The following MTUS1 variants were observed in gnomAD, a reference collection of about 807,000 sequenced individuals.
MTUS1 encodes microtubule-associated tumor suppressor 1.
A neutral mutation model predicts 120.8 loss-of-function variants in MTUS1; 109 were observed. The ratio of observed to expected loss-of-function variants is 0.90; its 90% CI spans 0.77 to 1.06. MTUS1 has a LOEUF of 1.06. Ranked by LOEUF, MTUS1 falls within the 50% of genes least tolerant of loss-of-function variation. The pLI is 0.00. For missense variants in MTUS1, 2,210 were observed against 1,486.3 expected (o/e 1.49, Z -8.01); for synonymous variants, 737 against 550.5 (o/e 1.34, Z -4.74).
intron 2 of MTUS1, among the ~76,000 whole-genome samples, chr8:17,746,470 T>G (rs148155751): frequency 2.6e-5 from 4 of 152,148 alleles, no homozygotes; most frequent in African/African-American, 9.7e-5. Flanking sequence ...TTCACAATCA[T>G]GGCAGAAGGT....
At chr8:17,653,055 G>C (rs886256767) in intron 12 of MTUS1, 131 bp downstream of exon 12, 1 of 606,968 alleles carries the variant, frequency 1.6e-6, no homozygotes, top group Non-Finnish European at 2.9e-6. Flanking sequence ...ACACACCTTA[G>C]AAAGCACATT....
At chr8:17,769,457 C>T (rs1243052739) in intron 1 of MTUS1, among the ~76,000 whole-genome samples, 1 of 150,904 alleles carries the variant, frequency 6.6e-6, no homozygotes, top group African/African-American at 2.5e-5. Flanking sequence ...ACGCCATTCT[C>T]CTGCCTCAGC....
intron 1 of MTUS1, among the ~76,000 whole-genome samples, chr8:17,769,548 C>G (rs375398172): frequency 6.6e-6 from 1 of 151,342 alleles, no homozygotes; most frequent in Admixed American, 6.6e-5. Context: ...GGGATTTCAC[C>G]GCGTTAGCCA....
chr8:17,799,233 G>C (rs894340917), intron 1 of MTUS1, among the ~76,000 whole-genome samples: 1 of 151,416 alleles, frequency 6.6e-6, no homozygotes, highest in Non-Finnish European at 1.5e-5. Flanking sequence ...CGTATTTGTT[G>C]CAAAAGTATA....
chr8:17,652,402 G>A (rs1288786104), intron 12 of MTUS1, among the ~76,000 whole-genome samples: 1 of 152,076 alleles, frequency 6.6e-6, no homozygotes, highest in African/African-American at 2.4e-5. Context: ...AGGACCACAT[G>A]TTCTACAATC....
chr8:17,741,682 T>C (rs1193955721), intron 3 of MTUS1, among the ~76,000 whole-genome samples: 1 of 152,236 alleles, frequency 6.6e-6, no homozygotes, highest in Non-Finnish European at 1.5e-5. Flanking sequence ...TCTTTTTCAA[T>C]GTATCCTGGG....
intron 6 of MTUS1, among the ~76,000 whole-genome samples, chr8:17,702,622 T>C (rs755618657): frequency 2.6e-5 from 4 of 152,232 alleles, no homozygotes; most frequent in Non-Finnish European, 5.9e-5. Context: ...AGTGGAATCA[T>C]ACAGTATTTG....
intron 1 of MTUS1, among the ~76,000 whole-genome samples, chr8:17,783,033 G>A (rs773745769): frequency 6.6e-6 from 1 of 152,162 alleles, no homozygotes; most frequent in African/African-American, 2.4e-5. Flanking sequence ...AGCCAAGATC[G>A]TGCCATTGCA....
intron 1 of MTUS1, among the ~76,000 whole-genome samples, chr8:17,791,806 G>T (rs1366786878): frequency 3.3e-5 from 5 of 152,148 alleles, no homozygotes; most frequent in African/African-American, 1.2e-4. Context: ...AGGCTAAGCA[G>T]CAGAAATTAA....
At chr8:17,796,052 G>A (rs138351086) in intron 1 of MTUS1, among the ~76,000 whole-genome samples, 1 of 151,540 alleles carries the variant, frequency 6.6e-6, no homozygotes, top group South Asian at 2.1e-4. Context: ...TGGATTCAAG[G>A]AATTCTCCTG....
At chr8:17,782,336 C>G (rs2050935049) in intron 1 of MTUS1, among the ~76,000 whole-genome samples, 1 of 152,208 alleles carries the variant, frequency 6.6e-6, no homozygotes, top group African/African-American at 2.4e-5. Context: ...TATTTATAGA[C>G]ATAACCATAT....
intron 7 of MTUS1, among the ~76,000 whole-genome samples, chr8:17,681,290 T>C (rs999942079): frequency 1.4e-4 from 21 of 152,126 alleles, no homozygotes; most frequent in African/African-American, 4.8e-4. Flanking sequence ...TAAATGCAAG[T>C]GGTGATGTGA....
intron 13 of MTUS1, among the ~76,000 whole-genome samples, chr8:17,647,666 C>T (rs940906613): frequency 6.6e-6 from 1 of 152,180 alleles, no homozygotes; most frequent in Admixed American, 6.5e-5. Context: ...CTCAGGTCAG[C>T]TGAAGATAGA....
intron 1 of MTUS1, among the ~76,000 whole-genome samples, chr8:17,797,980 A>G (rs1341732664): frequency 6.6e-6 from 1 of 152,166 alleles, no homozygotes; most frequent in Non-Finnish European, 1.5e-5. Flanking sequence ...AAATTAATCC[A>G]GGAAATTTTT....
chr8:17,712,262 G>A (rs377734596), intron 6 of MTUS1, among the ~76,000 whole-genome samples: 11 of 152,104 alleles, frequency 7.2e-5, no homozygotes, highest in African/African-American at 2.6e-4. Flanking sequence ...GCACATAACT[G>A]TTTTATCACT....
intron 8 of MTUS1, among the ~76,000 whole-genome samples, chr8:17,659,836 C>T (rs1382546445): frequency 6.6e-6 from 1 of 152,136 alleles, no homozygotes; most frequent in African/African-American, 2.4e-5. Flanking sequence ...CAGAACGTTT[C>T]CCCCCAACCT....
At chr8:17,721,676 C>A in intron 4 of MTUS1, 1 of 1,533,822 alleles carries the variant, frequency 6.5e-7, no homozygotes, top group Non-Finnish European at 8.8e-7. Context: ...TTTAAGCATG[C>A]TTACAAAGAA....
chr8:17,787,748 C>A (rs183996850), intron 1 of MTUS1, among the ~76,000 whole-genome samples: 20 of 152,320 alleles, frequency 1.3e-4, no homozygotes, highest in African/African-American at 4.8e-4. Context: ...TACTGTTATG[C>A]CAACAACCTT....
chr8:17,774,861 T>G (rs1331609932), intron 1 of MTUS1, among the ~76,000 whole-genome samples: 1 of 148,950 alleles, frequency 6.7e-6, no homozygotes, highest in Admixed American at 6.8e-5. Context: ...GACAGATGAG[T>G]GGATAAACAA....
Sources: gnomAD v4.1 joint callset for allele counts (sites outside exome capture counted in the v4.1 genomes callset) on GRCh38, gnomAD v4.1.1 for gene constraint, MANE v1.5 for transcripts, NCBI Gene and HGNC (gene_info 2026-07-23, HGNC 2026-07-21) for gene names.